The following MPP7 variants were observed in gnomAD, a reference collection of about 807,000 sequenced individuals.
MPP7 encodes MAGUK p55 scaffold protein 7.
MPP7 carries 60 observed loss-of-function variants against 76.5 expected under a neutral mutation model. That is an observed-to-expected ratio of 0.78 (90% CI 0.64 to 0.97). The LOEUF (loss-of-function observed/expected upper bound fraction) is 0.97, where lower values mean the gene tolerates loss of function less well. MPP7 is among the 50% of genes least tolerant of loss of function. The probability of loss-of-function intolerance (pLI) is 0.00; values close to 1 mark genes in which losing one functional copy is unlikely to be tolerated. For synonymous variants in MPP7, 237 were observed against 244.5 expected, an observed-to-expected ratio of 0.97 and a Z score of 0.29; for missense variants, 641 against 694.0, an observed-to-expected ratio of 0.92 and a Z score of 0.86.
At chr10:28,163,913 C>CAAAAAAAAAAA (rs35147298) in intron 3 of MPP7, among the ~76,000 whole-genome samples, 1 of 132,484 alleles carries the variant, frequency 7.5e-6, no homozygotes, top group Admixed American at 7.6e-5. Flanking sequence ...AGCTCCATCT[C>CAAAAAAAAAAA]AAAAAAAAAA....
At chr10:28,070,877 T>G (rs1205558054) in intron 12 of MPP7, among the ~76,000 whole-genome samples, 1 of 152,128 alleles carries the variant, frequency 6.6e-6, no homozygotes, top group Non-Finnish European at 1.5e-5. Flanking sequence ...TAGACAGGCA[T>G]AAGTCCCCCC....
At chr10:28,144,173 T>C (rs1473291872) in intron 5 of MPP7, among the ~76,000 whole-genome samples, 2 of 152,012 alleles carry the variant, frequency 1.3e-5, no homozygotes, top group African/African-American at 4.8e-5. Context: ...CTATGTGAAT[T>C]ATTCCTATAG....
In MPP7 at chr10:28,052,880, G is replaced by A. The variant is rs944564483; in HGVS notation, c.*1185C>T. The stretch of plus-strand genomic sequence containing the variant: ...GGCAGGATATGCTCTCTTATAGAAC[G>A]GATAGACATTTCTAGCATTTTGAAT... On this transcript the variant is annotated 3_prime_UTR_variant, in exon 17 of 17. Coordinates refer to ENST00000683449, the MANE Select transcript of MPP7 (RefSeq NM_001318170.2). 1.3e-5 allele frequency: 2 copies of A among 151,882 alleles called. No homozygotes were observed. Among genetic ancestry groups the A allele is most frequent in the South Asian group, 2.1e-4 (1 of 4,812 alleles). 9.4% of individuals were successfully genotyped at this position (151,882 alleles called of 1,614,324 possible). A position where few individuals can be genotyped will look rare whatever the true frequency, so the allele number is the denominator to read the frequency against.
At chr10:28,296,724 TAGAA>T (rs1841045289) in intron 1 of MPP7, among the ~76,000 whole-genome samples, 1 of 152,158 alleles carries the variant, frequency 6.6e-6, no homozygotes, top group Non-Finnish European at 1.5e-5. Flanking sequence ...TTCTAGTAAA[TAGAA>T]AGACTAAATG....
At chr10:28,279,455 G>A (rs1328620133) in intron 1 of MPP7, among the ~76,000 whole-genome samples, 2 of 152,004 alleles carry the variant, frequency 1.3e-5, no homozygotes, top group Non-Finnish European at 2.9e-5. Flanking sequence ...TCGGACAGGC[G>A]CAGTGGCTCA....
intron 1 of MPP7, among the ~76,000 whole-genome samples, chr10:28,296,063 A>G (rs1488950151): frequency 6.6e-6 from 1 of 152,238 alleles, no homozygotes; most frequent in Non-Finnish European, 1.5e-5. Context: ...TTAAAACATA[A>G]AATTGAAGAT....
intron 1 of MPP7, among the ~76,000 whole-genome samples, chr10:28,331,015 G>A (rs1834465929): frequency 6.6e-6 from 1 of 152,022 alleles, no homozygotes; most frequent in African/African-American, 2.4e-5. Flanking sequence ...TTGCACTGAG[G>A]ACAATTTGAA....
intron 2 of MPP7, among the ~76,000 whole-genome samples, chr10:28,320,721 T>G (rs1834361941): frequency 6.6e-6 from 1 of 152,168 alleles, no homozygotes; most frequent in East Asian, 1.9e-4. Context: ...TAATCAGTGT[T>G]GTTCAGTTGT....
At chr10:28,294,598 C>T (rs1405333864) in intron 1 of MPP7, among the ~76,000 whole-genome samples, 5 of 152,170 alleles carry the variant, frequency 3.3e-5, no homozygotes, top group African/African-American at 1.2e-4. Flanking sequence ...ACTTTTCCTT[C>T]ACTCCTTAAA....
intron 1 of MPP7, among the ~76,000 whole-genome samples, chr10:28,270,539 G>GGGGGGT: frequency 1.9e-5 from 2 of 102,652 alleles, no homozygotes; most frequent in African/African-American, 8.5e-5. Flanking sequence ...AAAAGGGGGG[G>GGGGGGT]GGGGAGGAGG....
At chr10:28,325,975 C>CAAA (rs71281552) in intron 2 of MPP7, among the ~76,000 whole-genome samples, 5 of 96,354 alleles carry the variant, frequency 5.2e-5, no homozygotes, top group Non-Finnish European at 6.2e-5. Context: ...GACCTCATCT[C>CAAA]AAAAAAAAAA....
intron 2 of MPP7, among the ~76,000 whole-genome samples, chr10:28,320,766 C>T (rs1159490982): frequency 6.6e-6 from 1 of 151,802 alleles, no homozygotes; most frequent in African/African-American, 2.4e-5. Flanking sequence ...TACTTAATAT[C>T]TACATCAAGC....
At chr10:28,251,079 T>C (rs11006948) in intron 1 of MPP7, among the ~76,000 whole-genome samples, 12,922 of 152,268 alleles carry the variant, frequency 0.085, 713 homozygotes, top group Non-Finnish European at 0.12. Context: ...TTCTAATAAG[T>C]AAGGAATGTG....
rs568488260 is a variant in MPP7, at chr10:28,310,236, A to C, written c.-132+19693T>G. Among the ~76,000 whole-genome samples, 5 of 152,274 alleles carry C rather than the reference A, an allele frequency of 3.3e-5. No homozygotes were observed. The South Asian group carries it at 1.0e-3, about 32-fold the overall frequency. On this transcript the variant is annotated intron_variant, in intron 2 of 11. Coordinates refer to the MPP7 transcript ENST00000441595. The stretch of plus-strand genomic sequence containing the variant: ...AGGCTGGTCTCGAACTCCTGGCCTC[A>C]GGTGAGCAGCCCACATCGGCCTCCC...
chr10:28,131,058 T>C (rs1364661335), intron 6 of MPP7, among the ~76,000 whole-genome samples: 1 of 152,126 alleles, frequency 6.6e-6, no homozygotes, highest in Non-Finnish European at 1.5e-5. Flanking sequence ...GGACATAAAA[T>C]AAAATTAAAT....
At chr10:28,158,144 C>T (rs931768304) in intron 3 of MPP7, among the ~76,000 whole-genome samples, 25 of 152,198 alleles carry the variant, frequency 1.6e-4, no homozygotes, top group Non-Finnish European at 2.6e-4. Flanking sequence ...ATGATAAATG[C>T]AATGATTTTC....
chr10:28,287,839 C>G (rs11006986), intron 1 of MPP7, among the ~76,000 whole-genome samples: 24,195 of 152,102 alleles, frequency 0.16, 2,668 homozygotes, highest in East Asian at 0.53. Context: ...AAATGAAAGA[C>G]AGGTCAATGG....
At chr10:28,187,736 C>T (rs896358499) in intron 3 of MPP7, among the ~76,000 whole-genome samples, 5 of 152,040 alleles carry the variant, frequency 3.3e-5, no homozygotes, top group African/African-American at 9.7e-5. Context: ...TCCTTTTGCC[C>T]GCAAGTATGA....
At chr10:28,158,454 G>A (rs979848665) in intron 3 of MPP7, among the ~76,000 whole-genome samples, 1 of 152,170 alleles carries the variant, frequency 6.6e-6, no homozygotes, top group Non-Finnish European at 1.5e-5. Flanking sequence ...GCCTAGTGAA[G>A]AGTAGAATAA....
Sources: allele counts gnomAD v4.1 joint callset (sites outside exome capture counted in the v4.1 genomes callset), GRCh38; gene constraint gnomAD v4.1.1; transcripts MANE v1.5; gene names NCBI Gene and HGNC (gene_info 2026-07-23, HGNC 2026-07-21).